Variants in AVEN observed in about 807,000 individuals in gnomAD.
The protein encoded by AVEN is apoptosis and caspase activation inhibitor.
In AVEN, 41 loss-of-function variants were observed where a neutral mutation model predicts 38.1. The ratio of observed to expected loss-of-function variants is 1.08; its 90% CI spans 0.84 to 1.40. The LOEUF is 1.40. Among genes scored for constraint, AVEN ranks in the 40% most tolerant of loss-of-function variants. The pLI is 0.00. For missense variants in AVEN, 605 were observed against 438.8 expected (o/e 1.38, Z -3.38); for synonymous variants, 206 against 171.8 (o/e 1.20, Z -1.56).
chr15:33,973,220 T>G (rs1318797324), intron 2 of AVEN, among the ~76,000 whole-genome samples: 1 of 152,214 alleles, frequency 6.6e-6, no homozygotes, highest in Non-Finnish European at 1.5e-5. Context: ...TATAGAAATG[T>G]AGCACTGAAT....
rs547595293 is a variant in AVEN, at chr15:34,002,774, C to T, written c.445+258G>A. ...TCAAATTTACAGCAGCATGGCTCAG[C>T]TTTTTCCACTTATAGAAAGCCTTTT... On this transcript the variant is annotated intron_variant, in intron 2 of 5. Transcript: ENST00000306730. Among the ~76,000 whole-genome samples, 3 of 152,286 alleles carry T rather than the reference C, an allele frequency of 2.0e-5. No homozygotes were observed. In the South Asian group the frequency reaches 6.2e-4, roughly 32 times the overall value.
At chr15:33,855,530 C>T (rs912688684), downstream of AVEN, among the ~76,000 whole-genome samples, 22 of 152,114 alleles carry the variant, frequency 1.4e-4, no homozygotes, top group Non-Finnish European at 2.9e-4. Flanking sequence ...TCTACCCCTT[C>T]CTCCATGAAT....
chr15:34,053,319 A>AAAATATATATATATATATAT (rs775436850), intron 5 of AVEN, among the ~76,000 whole-genome samples: 1 of 42,062 alleles, frequency 2.4e-5, no homozygotes, highest in African/African-American at 8.0e-5. Context: ...AAAAAAAAAA[A>AAAATATATATATATATATAT]ATATATATAT....
intron 1 of AVEN, among the ~76,000 whole-genome samples, chr15:34,010,184 T>C (rs1341893084): frequency 6.6e-6 from 1 of 152,194 alleles, no homozygotes; most frequent in Non-Finnish European, 1.5e-5. Context: ...ATTTACTTAC[T>C]GAAGCTACCA....
chr15:33,853,061 TACTGG>T, the AVEN span: 1 of 1,605,924 alleles, frequency 6.2e-7, no homozygotes, highest in Non-Finnish European at 8.5e-7. Flanking sequence ...TCCTAATAAC[TACTGG>T]GACAAGTTTG....
chr15:34,058,555 AAC>A (rs3027963), intron 5 of AVEN, among the ~76,000 whole-genome samples: 4,329 of 143,232 alleles, frequency 0.03, 172 homozygotes, highest in African/African-American at 0.093. Flanking sequence ...CTTTAATTCT[AAC>A]ACACACACAC....
intron 2 of AVEN, among the ~76,000 whole-genome samples, chr15:33,985,815 C>A (rs1297714194): frequency 6.6e-6 from 1 of 152,084 alleles, no homozygotes; most frequent in Non-Finnish European, 1.5e-5. Context: ...AAGCTTCATT[C>A]TATTAATTTC....
chr15:33,888,809 G>T (rs1278114454), intron 2 of AVEN, among the ~76,000 whole-genome samples: 1 of 152,104 alleles, frequency 6.6e-6, no homozygotes, highest in Non-Finnish European at 1.5e-5. Context: ...GGAGTGCAGT[G>T]GCGCGATCTT....
intron 1 of AVEN, among the ~76,000 whole-genome samples, chr15:34,030,014 G>A (rs1469025670): frequency 1.3e-5 from 2 of 152,022 alleles, no homozygotes; most frequent in African/African-American, 4.8e-5. Context: ...AGCACTTTGG[G>A]AGGCCGAGGC....
intron 1 of AVEN, among the ~76,000 whole-genome samples, chr15:34,032,285 G>A (rs934410802): frequency 1.3e-5 from 2 of 152,226 alleles, no homozygotes; most frequent in African/African-American, 2.4e-5. Flanking sequence ...AATGACCTAC[G>A]TAACCTCTCT....
chr15:33,860,496 CT>C (rs57641933), intron 11 of AVEN: 21,567 of 518,692 alleles, frequency 0.042, 6 homozygotes, highest in South Asian at 0.055. Context: ...TGATAATTCA[CT>C]TTTTTTTTTT....
chr15:34,047,344 T>G lies in AVEN; in HGVS notation n.1637+15578A>C, dbSNP rs913942570. Among the ~76,000 whole-genome samples, 18 of 152,310 alleles carry G rather than the reference T, an allele frequency of 1.2e-4. No homozygotes were observed. The East Asian group carries it at 3.1e-3, about 26-fold the overall frequency. On this transcript the variant is annotated intron_variant and non_coding_transcript_variant, in intron 5 of 11. Transcript: ENST00000675287. ...CGCCCGTGTCAGCCTCCCAAAGTGC[T>G]GGGATTACAGGCGTGAGCCACCGTG...
intron 5 of AVEN, among the ~76,000 whole-genome samples, chr15:34,059,536 C>A (rs1307119936): frequency 3.9e-5 from 6 of 152,130 alleles, no homozygotes; most frequent in Non-Finnish European, 8.8e-5. Context: ...TCTCTTAGGT[C>A]CTCTCCTGTC....
intron 1 of AVEN, among the ~76,000 whole-genome samples, chr15:34,004,391 G>C (rs571822020): frequency 1.2e-4 from 18 of 152,300 alleles, no homozygotes; most frequent in Middle Eastern, 3.4e-3. Flanking sequence ...AAAATGGTGG[G>C]AGAGGATGGA....
intron 2 of AVEN, among the ~76,000 whole-genome samples, chr15:33,916,149 C>T (rs1893128337): frequency 6.6e-6 from 1 of 152,186 alleles, no homozygotes; most frequent in South Asian, 2.1e-4. Context: ...CCACCCACCA[C>T]CTGATCCTCC....
downstream of AVEN, chr15:33,858,244 G>A (rs887385336): frequency 7.2e-5 from 17 of 235,250 alleles, no homozygotes; most frequent in East Asian, 8.6e-4. Context: ...TGCTTTTGTC[G>A]CCCAGGCTGG....
At chr15:33,903,204 A>C (rs1368165175) in intron 2 of AVEN, among the ~76,000 whole-genome samples, 1 of 152,230 alleles carries the variant, frequency 6.6e-6, no homozygotes, top group East Asian at 1.9e-4. Flanking sequence ...ATTATGCAGA[A>C]TCCATTCTTA....
downstream of AVEN, chr15:33,864,040 G>C: frequency 2.4e-6 from 2 of 822,150 alleles, no homozygotes; most frequent in East Asian, 2.6e-5. Context: ...AGATAGCGTG[G>C]GACCAACTAG....
At chr15:33,852,328 A>C in the AVEN span, 1 of 152,176 alleles carries the variant, frequency 6.6e-6, no homozygotes, top group African/African-American at 2.4e-5. Context: ...TGAAGATGAC[A>C]GTTCTTTCTT....
Sources: gnomAD v4.1 joint callset for allele counts (sites outside exome capture counted in the v4.1 genomes callset) on GRCh38, gnomAD v4.1.1 for gene constraint, MANE v1.5 for transcripts, NCBI Gene and HGNC (gene_info 2026-07-23, HGNC 2026-07-21) for gene names.